The following CELF2 variants were observed in gnomAD, a reference collection of about 807,000 sequenced individuals.
The protein encoded by CELF2 is CUG triplet repeat RNA-binding protein 2.
A neutral mutation model predicts 62.6 loss-of-function variants in CELF2; 8 were observed. That is an observed-to-expected ratio of 0.13 (90% confidence interval 0.07 to 0.23). The LOEUF (loss-of-function observed/expected upper bound fraction) is 0.23, where lower values mean the gene tolerates loss of function less well. Among genes scored for constraint, CELF2 ranks in the 10% least tolerant of loss-of-function variants. CELF2 has a pLI of 1.00. For missense variants in CELF2, 333 were observed against 671.0 expected (o/e 0.50, Z 5.56); for synonymous variants, 258 against 250.0 (o/e 1.03, Z -0.30).
At chr10:11,065,976 G>C (rs61830421) in intron 1 of CELF2, among the ~76,000 whole-genome samples, 3,543 of 152,288 alleles carry the variant, frequency 0.023, 69 homozygotes, top group South Asian at 0.05. Flanking sequence ...CAGGCAGAAA[G>C]CAGTTATACT....
chr10:10,659,695 G>T, the CELF2 span, among the ~76,000 whole-genome samples: 2 of 152,114 alleles, frequency 1.3e-5, no homozygotes, highest in Non-Finnish European at 2.9e-5. Flanking sequence ...CAGATCTCAG[G>T]TTGTCAGCAT....
At chr10:10,690,919 A>G in the CELF2 span, among the ~76,000 whole-genome samples, 2 of 152,222 alleles carry the variant, frequency 1.3e-5, no homozygotes, top group East Asian at 1.9e-4. Context: ...CTTCAAGCTT[A>G]TGTCCTCAAG....
the CELF2 span, among the ~76,000 whole-genome samples, chr10:10,511,790 A>G: frequency 9.8e-5 from 15 of 152,372 alleles, no homozygotes; most frequent in Admixed American, 6.5e-4. Context: ...GAATAAATAC[A>G]AATAGCCACT....
In CELF2 at chr10:11,335,653, A is replaced by T. The variant is rs2096106185; in HGVS notation, c.*6600A>T. 6.6e-6 allele frequency: 1 copy of T among 152,160 alleles called. No homozygotes were observed. Among genetic ancestry groups the T allele is most frequent in the Admixed American group, 6.5e-5 (1 of 15,280 alleles). 9.4% of individuals were successfully genotyped at this position (152,160 alleles called of 1,614,324 possible). A position where few individuals can be genotyped will look rare whatever the true frequency, so the allele number is the denominator to read the frequency against. Reference sequence around the variant, plus strand: ...ATAGCCTTCGGCAGTCTCCTCTGAAAACACACTGCCTACGTTAGTGGGAAA... The same window carrying T: ...ATAGCCTTCGGCAGTCTCCTCTGAATACACACTGCCTACGTTAGTGGGAAA... On this transcript the variant is annotated 3_prime_UTR_variant, in exon 13 of 13. Coordinates refer to ENST00000633077, the MANE Select transcript of CELF2 (RefSeq NM_001326342.2). This position sits in a 1 kb window ranked among gnomAD's most constrained non-coding sequence, Gnocchi z 5.0.
intron 3 of CELF2, among the ~76,000 whole-genome samples, chr10:11,240,128 G>A (rs142470125): frequency 6.9e-4 from 105 of 152,350 alleles, no homozygotes; most frequent in Middle Eastern, 6.8e-3. Flanking sequence ...CTGAGACTTG[G>A]AGGTTAGGTA....
At chr10:10,596,098 G>A in the CELF2 span, among the ~76,000 whole-genome samples, 1 of 152,094 alleles carries the variant, frequency 6.6e-6, no homozygotes, top group Non-Finnish European at 1.5e-5. Context: ...TGTGGGCTAA[G>A]CCCCAGTTTG....
At chr10:10,771,359 T>C in the CELF2 span, among the ~76,000 whole-genome samples, 1 of 152,160 alleles carries the variant, frequency 6.6e-6, no homozygotes, top group African/African-American at 2.4e-5. Context: ...TCTTCCCAGA[T>C]GCTGGCAGAA....
At chr10:10,863,501 C>A (rs1241473686) in intron 1 of CELF2, among the ~76,000 whole-genome samples, 1 of 152,136 alleles carries the variant, frequency 6.6e-6, no homozygotes, top group Non-Finnish European at 1.5e-5. Flanking sequence ...TCTCTCTAAA[C>A]CTTGGTTGTC....
the CELF2 span, among the ~76,000 whole-genome samples, chr10:10,617,565 C>G: frequency 6.6e-6 from 1 of 152,110 alleles, no homozygotes; most frequent in Non-Finnish European, 1.5e-5. Context: ...AATACATCAT[C>G]ACTCCCCTGC....
Position 11,302,655 on chromosome 10 carries a change from C to T in CELF2, c.977-11484C>T, listed in dbSNP as rs1414498014. Among the ~76,000 whole-genome samples the T allele has an allele frequency of 1.3e-5, 2 of 152,270 alleles. No homozygotes were observed. The highest frequency in any genetic ancestry group is 3.4e-3 in the Middle Eastern group (1 of 294). ...TCTCTGTGATCTGGTCATTTAGGAT[C>T]GAGTTGGGTGTACTTGGTGTGGCAG... On this transcript the variant is annotated intron_variant, in intron 9 of 12. Coordinates refer to ENST00000633077, the MANE Select transcript of CELF2 (RefSeq NM_001326342.2). The surrounding 1 kb of genome is among the most constrained non-coding windows in gnomAD (Gnocchi z 5.0).
rs1334567196 is a variant in CELF2, at chr10:11,297,184, A to G, written c.976+8632A>G. Among the ~76,000 whole-genome samples the G allele has an allele frequency of 2.6e-5, 4 of 152,168 alleles. No homozygotes were observed. Among genetic ancestry groups the G allele is most frequent in the African/African-American group, 9.7e-5 (4 of 41,446 alleles). ...CAGTTGTGAGGGGAGTTGAGGAGGA[A>G]GCTGTCATATAAAATGATCGGACGT... On this transcript the variant is annotated intron_variant, in intron 9 of 12. Transcript: ENST00000633077. The surrounding 1 kb of genome is among the most constrained non-coding windows in gnomAD (Gnocchi z 4.4).
At position 11,306,042 on chromosome 10, in the gene CELF2, C is replaced by T. The variant is rs114109496; in HGVS notation, c.977-8097C>T. 6.3e-4 allele frequency among the ~76,000 whole-genome samples: 96 copies of T among 152,332 alleles called. No individual in the cohort carries two copies. The highest frequency in any genetic ancestry group is 1.0e-3 in the Admixed American group (16 of 15,308). On this transcript the variant is annotated intron_variant, in intron 9 of 12. Transcript: ENST00000633077. This position sits in a 1 kb window ranked among gnomAD's most constrained non-coding sequence, Gnocchi z 4.4. Reference sequence around the variant, plus strand: ...TTCCTGGCACGCCAGCTGGCCTGAACGTCCGTCGCCTGATTGATAGGTTTT... The same window carrying T: ...TTCCTGGCACGCCAGCTGGCCTGAATGTCCGTCGCCTGATTGATAGGTTTT...
the CELF2 span, among the ~76,000 whole-genome samples, chr10:10,792,733 A>C: frequency 6.6e-6 from 1 of 152,208 alleles, no homozygotes; most frequent in Non-Finnish European, 1.5e-5. Context: ...CTGGAAATTA[A>C]AAGAAGAACA....
chr10:10,513,745 C>T, the CELF2 span, among the ~76,000 whole-genome samples: 3 of 152,136 alleles, frequency 2.0e-5, no homozygotes, highest in African/African-American at 4.8e-5. Context: ...GATATAAACT[C>T]GCAGATTTCA....
chr10:11,059,084 T>C lies in CELF2; in HGVS notation c.74+40921T>C, dbSNP rs555548292. Among the ~76,000 whole-genome samples the C allele has an allele frequency of 1.1e-4, 16 of 152,298 alleles. No individual in the cohort carries two copies. In the South Asian group the frequency reaches 3.3e-3, roughly 32 times the overall value. ...AGCCGTGAGCCATTGCGTCTGTCCTTCTATTTTATGTATGAGTCAAGGAAC... is the reference window on the plus strand; with the variant it reads ...AGCCGTGAGCCATTGCGTCTGTCCTCCTATTTTATGTATGAGTCAAGGAAC... On this transcript the variant is annotated intron_variant, in intron 1 of 12. Coordinates refer to ENST00000633077, the MANE Select transcript of CELF2 (RefSeq NM_001326342.2).
chr10:10,853,847 C>G (rs557326192), intron 1 of CELF2, among the ~76,000 whole-genome samples: 90 of 151,968 alleles, frequency 5.9e-4, no homozygotes, highest in African/African-American at 2.1e-3. Context: ...GCAGAGGATG[C>G]CGGCTGGCCA....
chr10:10,691,282 T>C, the CELF2 span, among the ~76,000 whole-genome samples: 1 of 151,326 alleles, frequency 6.6e-6, no homozygotes, highest in Non-Finnish European at 1.5e-5. Flanking sequence ...TTGCGATAGT[T>C]TACTGAGAAT....
intron 1 of CELF2, among the ~76,000 whole-genome samples, chr10:10,836,829 G>A (rs1485045986): frequency 1.3e-5 from 2 of 152,098 alleles, no homozygotes; most frequent in Non-Finnish European, 2.9e-5. Context: ...TAGAGATGGG[G>A]TTTCACCGCG....
chr10:11,281,118 C>T (rs1030756442), intron 8 of CELF2, among the ~76,000 whole-genome samples: 2 of 152,070 alleles, frequency 1.3e-5, no homozygotes, highest in Admixed American at 1.3e-4. Flanking sequence ...CACTGCCCCA[C>T]CCCCAGGCTG....
Sources: allele counts gnomAD v4.1 joint callset (sites outside exome capture counted in the v4.1 genomes callset), GRCh38; gene constraint gnomAD v4.1.1; non-coding constraint Gnocchi (gnomAD v3.1); transcripts MANE v1.5; gene names NCBI Gene and HGNC (gene_info 2026-07-23, HGNC 2026-07-21).